Variants in IRS2 observed in about 807,000 individuals in gnomAD.
IRS2 encodes the protein insulin receptor substrate 2.
IRS2 carries 28 observed loss-of-function variants against 70.9 expected under a neutral mutation model. The observed-to-expected ratio is 0.39, with a 90% CI of 0.29 to 0.54. The LOEUF is 0.54. Among genes scored for constraint, IRS2 ranks in the 20% least tolerant of loss-of-function variants. IRS2 has a pLI of 0.59. For synonymous variants in IRS2, 1,217 were observed against 981.9 expected (o/e 1.24, Z -4.48); for missense variants, 2,081 against 2,024.1 (o/e 1.03, Z -0.54).
intron 1 of IRS2, among the ~76,000 whole-genome samples, chr13:109,776,630 T>C (rs1877585486): frequency 6.6e-6 from 1 of 152,250 alleles, no homozygotes; most frequent in Non-Finnish European, 1.5e-5. Context: ...ACTCCAACTC[T>C]TTCTACACTA....
At chr13:109,776,208 C>CGCA (rs1877574761) in intron 1 of IRS2, among the ~76,000 whole-genome samples, 4 of 151,790 alleles carry the variant, frequency 2.6e-5, no homozygotes, top group Admixed American at 6.6e-5. Flanking sequence ...GATCAGTTAT[C>CGCA]TTTAAAAAAT....
chr13:109,762,134 C>G (rs761675961), intron 1 of IRS2, among the ~76,000 whole-genome samples: 1 of 152,202 alleles, frequency 6.6e-6, no homozygotes, highest in African/African-American at 2.4e-5. Flanking sequence ...TTGTGTAACA[C>G]AGAATGTACA....
chr13:109,768,846 CG>C (rs1877392506), intron 1 of IRS2, among the ~76,000 whole-genome samples: 1 of 152,096 alleles, frequency 6.6e-6, no homozygotes, highest in African/African-American at 2.4e-5. Flanking sequence ...GGCTCAACGG[CG>C]GGGCAGGCAT....
rs1170949862 is a variant in IRS2, at chr13:109,783,314, T to C, written c.2740A>G (p.Lys914Glu). 1 of 1,550,918 alleles carries C rather than the reference T, an allele frequency of 6.4e-7. No homozygotes were observed. The highest frequency in any genetic ancestry group is 8.6e-7 in the Non-Finnish European group (1 of 1,157,998). The change falls in exon 1 of 2, where the codon AAG becomes GAG. Residue 914 changes from lysine (K) to glutamate (E), a missense_variant. By Grantham distance (56) the Lys-to-Glu change is moderately conservative. This residue lies in a region of IRS2 where 1,615 missense variants were observed against 1,459.5 expected (regional missense o/e 1.11). Transcript: ENST00000375856. ...ATGTTGATGTACTCGCCGGGGCTCT[T>C]GGGCTCCGGTGGCAGTGGGTACTCG... is the stretch of plus-strand genomic sequence containing the variant. Reference protein sequence around the residue: ...MHEYPLPPEPKSPGEYINIDF... With the variant: ...MHEYPLPPEPESPGEYINIDF...
chr13:109,759,106 A>C (rs1439936046), intron 1 of IRS2, among the ~76,000 whole-genome samples: 1 of 152,232 alleles, frequency 6.6e-6, no homozygotes, highest in African/African-American at 2.4e-5. Flanking sequence ...TTTCACACAC[A>C]TCTACATGCA....
chr13:109,770,233 A>G (rs965275643), intron 1 of IRS2, among the ~76,000 whole-genome samples: 3 of 152,286 alleles, frequency 2.0e-5, no homozygotes, highest in Admixed American at 6.5e-5. Context: ...ATGCCTATAG[A>G]AAGAATGTGA....
At position 109,784,075 on chromosome 13, in the gene IRS2, G is replaced by A. The variant is rs368876625; in HGVS notation, c.1979C>T (p.Ala660Val). 3.6e-5 allele frequency: 56 copies of A among 1,575,002 alleles called. No individual in the cohort carries two copies. In the African/African-American group the frequency reaches 5.4e-4, roughly 15 times the overall value. ...DDGYMPMTPG[A>V]ALAGSGSGSC... ...GCCGCTCCCACTGCCCGCGAGGGCC[G>A]CGCCGGGCGTCATGGGCATGTAGCC... The change falls in exon 1 of 2, where the codon GCG (alanine) becomes GTG (valine). Residue 660 changes from alanine to valine, a missense_variant. By Grantham distance (64) the Ala-to-Val change is moderately conservative. Around this residue, in one of 4 missense-constraint regions of IRS2, gnomAD observed 1,615 missense variants for 1,459.5 expected, o/e 1.11. Coordinates refer to ENST00000375856, the MANE Select transcript of IRS2 (RefSeq NM_003749.3). This position sits in a 1 kb window ranked among gnomAD's most constrained non-coding sequence, Gnocchi z 5.2.
rs2289046 is a variant in IRS2, at chr13:109,755,559, T to C, written c.*745A>G. ...TCCCACCTCCCACTACCCAATACAG[T>C]TGATTTTCAAAAGTAGGTTGCTTCA... On this transcript the variant is annotated 3_prime_UTR_variant, in exon 2 of 2. Transcript: ENST00000375856. The C allele has an allele frequency of 0.29, 59,138 of 206,506 alleles. 9,622 individuals are homozygous for C. Among genetic ancestry groups the C allele is most frequent in the East Asian group, 0.46 (6,205 of 13,634 alleles). The allele number at this position is 206,506 out of a possible 1,614,324, so 12.8% of individuals were successfully genotyped here. A position where few individuals can be genotyped will look rare whatever the true frequency, so the allele number is the denominator to read the frequency against.
chr13:109,783,960 G>A lies in IRS2; in HGVS notation c.2094C>T (p.Ala698=), dbSNP rs1877823011. 2 of 1,512,952 alleles carry A rather than the reference G, an allele frequency of 1.3e-6. 1 individual carries two copies. The highest frequency in any genetic ancestry group is 3.6e-4 in the Middle Eastern group (2 of 5,534). The allele number at this position is 1,512,952 out of a possible 1,614,324, so 93.7% of individuals were successfully genotyped here. A position where few individuals can be genotyped will look rare whatever the true frequency, so the allele number is the denominator to read the frequency against. ...QILQPRAAAA[A]AAAVPSAGPA... ...GCCCCGCAGAAGGCACGGCGGCGGC[G>A]GCGGCGGCGGCGGCCCTGGGCTGCA... Residue 698 remains alanine, a synonymous_variant, in exon 1 of 2, where the codon GCC becomes GCT. Transcript: ENST00000375856.
Position 109,784,656 on chromosome 13 carries a change from G to C in IRS2, c.1398C>G (p.His466Gln), listed in dbSNP as rs1877855942. The change falls in exon 1 of 2, where the codon CAC becomes CAG. Residue 466 changes from histidine to glutamine, a missense_variant. Transcript: ENST00000375856. The surrounding 1 kb of genome is among the most constrained non-coding windows in gnomAD (Gnocchi z 5.2). ...SGSYPPPPGP[H>Q]PPLPHPLHHG... ...GGTGCAGCGGATGCGGCAGAGGCGG[G>C]TGCGGGCCGGGCGGCGGCGGGTAGG... is the stretch of plus-strand genomic sequence containing the variant. 1 of 1,251,584 alleles carries C rather than the reference G, an allele frequency of 8.0e-7. No individual in the cohort carries two copies. Among genetic ancestry groups the C allele is most frequent in the Non-Finnish European group, 1.0e-6 (1 of 1,001,006 alleles). The allele number at this position is 1,251,584 out of a possible 1,614,324, so 77.5% of individuals were successfully genotyped here. A position where few individuals can be genotyped will look rare whatever the true frequency, so the allele number is the denominator to read the frequency against.
chr13:109,773,677 A>G (rs182976675), intron 1 of IRS2, among the ~76,000 whole-genome samples: 1 of 152,372 alleles, frequency 6.6e-6, no homozygotes, highest in Admixed American at 6.5e-5. Context: ...AGTCATGAAC[A>G]GCCATATTTC....
In IRS2 at chr13:109,784,839, C is replaced by A; in HGVS notation, c.1215G>T (p.Leu405=). Residue 405 remains leucine (L), a synonymous_variant, in exon 1 of 2, where the codon CTG becomes CTT. Coordinates refer to ENST00000375856, the MANE Select transcript of IRS2 (RefSeq NM_003749.3). The surrounding 1 kb of genome is among the most constrained non-coding windows in gnomAD (Gnocchi z 5.2). ...TCCCGCGGCCGCCGCAGCCGCCGCT[C>A]AGGGTGTGCGAGCGGCTCAGGGGCG... The part of the protein sequence containing the change: ...VRAPLSRSHT[L]SGGCGGRGSK... The A allele has an allele frequency of 8.0e-7, 1 of 1,245,696 alleles. No homozygotes were observed. Among genetic ancestry groups the A allele is most frequent in the South Asian group, 2.2e-5 (1 of 45,398 alleles). 77.2% of individuals were successfully genotyped at this position (1,245,696 alleles called of 1,614,324 possible).
In IRS2 at chr13:109,784,927, G is replaced by T. The variant is rs1173701362; in HGVS notation, c.1127C>A (p.Ala376Glu). 5 of 1,058,706 alleles carry T rather than the reference G, an allele frequency of 4.7e-6. No homozygotes were observed. The highest frequency in any genetic ancestry group is 1.7e-5 in the African/African-American group (1 of 58,438). 65.6% of individuals were successfully genotyped at this position (1,058,706 alleles called of 1,614,324 possible). A position where few individuals can be genotyped will look rare whatever the true frequency, so the allele number is the denominator to read the frequency against. ...CGACACCGGCCTGGCGCCCGCGGCC[G>T]CCGCTCCCGCCGCCGCGCCGCCGTC... is the stretch of plus-strand genomic sequence containing the variant. ...EGDGGAAAGAAAAGARPVSVA... is the reference protein window; with the variant it reads ...EGDGGAAAGAEAAGARPVSVA... The change falls in exon 1 of 2, where the codon GCG (alanine) becomes GAG (glutamate). Residue 376 changes from alanine (A) to glutamate (E), a missense_variant. Physicochemically the swap from Ala to Glu is moderately radical, Grantham distance 107. Transcript: ENST00000375856. The surrounding 1 kb of genome is among the most constrained non-coding windows in gnomAD (Gnocchi z 5.2).
In IRS2 at chr13:109,784,511, T is replaced by C. The variant is rs2138936043; in HGVS notation, c.1543A>G (p.Ser515Gly). ...GACTCGGGCGTGTTGCTTCGGTGGCTGCAGAAGGCGCGCAGGTCGCCTGGG... is the reference window on the plus strand; with the variant it reads ...GACTCGGGCGTGTTGCTTCGGTGGCCGCAGAAGGCGCGCAGGTCGCCTGGG... ...SSPGDLRAFC[S>G]HRSNTPESIA... Residue 515 changes from serine to glycine, a missense_variant, in exon 1 of 2, where the codon AGC becomes GGC. Physicochemically the swap from Ser to Gly is moderately conservative, Grantham distance 56. Transcript: ENST00000375856. The surrounding 1 kb of genome is among the most constrained non-coding windows in gnomAD (Gnocchi z 5.2). 1 of 1,546,330 alleles carries C rather than the reference T, an allele frequency of 6.5e-7. No homozygotes were observed. The highest frequency in any genetic ancestry group is 8.7e-7 in the Non-Finnish European group (1 of 1,147,582).
At chr13:109,781,837 A>G in intron 1 of IRS2, among the ~76,000 whole-genome samples, 1 of 152,206 alleles carries the variant, frequency 6.6e-6, no homozygotes, top group East Asian at 1.9e-4. Flanking sequence ...AAAACGTCAC[A>G]TTCAACTCCA....
chr13:109,765,731 T>C (rs77441592), intron 1 of IRS2, among the ~76,000 whole-genome samples: 175 of 15,324 alleles, frequency 0.011, no homozygotes, highest in African/African-American at 0.025. Flanking sequence ...CCTCATCCAC[T>C]TTGGCTCCTC....
chr13:109,769,485 T>A (rs1877405819), intron 1 of IRS2, among the ~76,000 whole-genome samples: 1 of 152,192 alleles, frequency 6.6e-6, no homozygotes, highest in South Asian at 2.1e-4. Flanking sequence ...CCCCAGAGCC[T>A]TTGCACTGCT....
chr13:109,782,998 G>T lies in IRS2; in HGVS notation c.3056C>A (p.Pro1019Gln). 1 of 1,368,440 alleles carries T rather than the reference G, an allele frequency of 7.3e-7. No homozygotes were observed. 84.8% of individuals were successfully genotyped at this position (1,368,440 alleles called of 1,614,324 possible). Residue 1019 changes from proline to glutamine, a missense_variant, in exon 1 of 2, where the codon CCG becomes CAG. Pro to Gln is a moderately conservative substitution (Grantham distance 76, BLOSUM62 -1). Around this residue, in one of 4 missense-constraint regions of IRS2, gnomAD observed 1,615 missense variants for 1,459.5 expected, o/e 1.11. Transcript: ENST00000375856. ...CGACGACGGGGACGCGGACGGACGC[G>T]GGGGCAACGGCGGATACGGGGAGGA... ...EASSPYPPLP[P>Q]RPSASPSSSL...
In IRS2 at chr13:109,784,876, C is replaced by G. The variant is rs1877866955; in HGVS notation, c.1178G>C (p.Gly393Ala). The G allele has an allele frequency of 9.0e-7, 1 of 1,116,360 alleles. No individual in the cohort carries two copies. The highest frequency in any genetic ancestry group is 4.9e-5 in the East Asian group (1 of 20,260). 69.2% of individuals were successfully genotyped at this position (1,116,360 alleles called of 1,614,324 possible). A position where few individuals can be genotyped will look rare whatever the true frequency, so the allele number is the denominator to read the frequency against. Reference protein sequence around the residue: ...VSVAGSPLSPGPVRAPLSRSH... With the variant: ...VSVAGSPLSPAPVRAPLSRSH... ...GCGGCTCAGGGGCGCGCGCACCGGC[C>G]CGGGGCTCAGGGGGCTCCCAGCCAC... is the stretch of plus-strand genomic sequence containing the variant. The change falls in exon 1 of 2, where the codon GGG becomes GCG. Residue 393 changes from glycine to alanine, a missense_variant. Gly to Ala is a moderately conservative substitution (Grantham distance 60, BLOSUM62 0). This residue lies in a region of IRS2 where 1,615 missense variants were observed against 1,459.5 expected (regional missense o/e 1.11). Transcript: ENST00000375856. This position sits in a 1 kb window ranked among gnomAD's most constrained non-coding sequence, Gnocchi z 5.2.
Sources: gnomAD v4.1 joint callset for allele counts (sites outside exome capture counted in the v4.1 genomes callset) on GRCh38, gnomAD v4.1.1 for gene constraint, gnomAD v4.1.1 regional missense constraint, Gnocchi (gnomAD v3.1) non-coding constraint, MANE v1.5 for transcripts, NCBI Gene and HGNC (gene_info 2026-07-23, HGNC 2026-07-21) for gene names.